Variants in MYO7B observed in about 807,000 individuals in gnomAD.
The protein encoded by MYO7B is unconventional myosin-VIIb.
MYO7B carries 212 observed loss-of-function variants against 259.7 expected under a neutral mutation model. The ratio of observed to expected loss-of-function variants is 0.82; its 90% confidence interval spans 0.73 to 0.91. The LOEUF is 0.91. Among genes scored for constraint, MYO7B ranks in the 40% least tolerant of loss-of-function variants. The pLI is 0.00. For synonymous variants in MYO7B, 1,197 were observed against 1,166.4 expected (o/e 1.03, Z -0.54); for missense variants, 2,732 against 2,813.5 (o/e 0.97, Z 0.66).
At chr2:127,602,861 G>C (rs918036519) in intron 19 of MYO7B, among the ~76,000 whole-genome samples, 10 of 152,040 alleles carry the variant, frequency 6.6e-5, no homozygotes, top group Non-Finnish European at 1.5e-4. Flanking sequence ...TTAGCCGGGC[G>C]TGGTGATGTG....
chr2:127,610,747 C>T (rs1680353006), intron 24 of MYO7B, among the ~76,000 whole-genome samples: 1 of 152,222 alleles, frequency 6.6e-6, no homozygotes, highest in African/African-American at 2.4e-5. Flanking sequence ...TAGCTCAATA[C>T]CTGTGGGGTC....
intron 1 of MYO7B, among the ~76,000 whole-genome samples, chr2:127,544,726 G>A (rs1286976738): frequency 2.0e-5 from 3 of 151,980 alleles, no homozygotes; most frequent in African/African-American, 7.3e-5. Context: ...GACTACAGGC[G>A]CCTGCTACCA....
intron 39 of MYO7B, among the ~76,000 whole-genome samples, chr2:127,632,770 A>C (rs1681591347): frequency 6.6e-6 from 1 of 151,718 alleles, no homozygotes; most frequent in South Asian, 2.1e-4. Context: ...CACAGCCGTG[A>C]AGCTCTTCCT....
At chr2:127,574,208 C>T in intron 7 of MYO7B, 146 bp downstream of exon 7, 1 of 1,068,304 alleles carries the variant, frequency 9.4e-7, no homozygotes, top group Admixed American at 2.5e-5. Context: ...GAGGGCCCTT[C>T]CCCAGTATTC....
At chr2:127,588,813 G>A (rs2104959198) in intron 15 of MYO7B, among the ~76,000 whole-genome samples, 1 of 148,182 alleles carries the variant, frequency 6.7e-6, no homozygotes, top group African/African-American at 2.5e-5. Flanking sequence ...GTGGGTGGAT[G>A]GATGGGTGGG....
rs1693225515 is a variant in MYO7B, at chr2:127,546,286, A to G, written c.-24+10455A>G. ...TCTGTGAAGTGGGATGTCTCCATGGACAGCACAGGGTTGCTGTGGGGCTCA... is the reference window on the plus strand; with the variant it reads ...TCTGTGAAGTGGGATGTCTCCATGGGCAGCACAGGGTTGCTGTGGGGCTCA... On this transcript the variant is annotated intron_variant, in intron 1 of 47. Coordinates refer to ENST00000409816, the MANE Select transcript of MYO7B (RefSeq NM_001393586.1). The surrounding 1 kb of genome is among the most constrained non-coding windows in gnomAD (Gnocchi z 4.2). Among the ~76,000 whole-genome samples, 1 of 152,166 alleles carries G rather than the reference A, an allele frequency of 6.6e-6. No individual in the cohort carries two copies. The highest frequency in any genetic ancestry group is 1.5e-5 in the Non-Finnish European group (1 of 68,018).
At position 127,592,875 on chromosome 2, in the gene MYO7B, C is replaced by T. The variant is rs768830460; in HGVS notation, c.2074C>T (p.Pro692Ser). Residue 692 changes from proline (P) to serine (S), a missense_variant, in exon 17 of 48, where the codon CCC becomes TCC. This residue lies in a region of MYO7B where 1,906 missense variants were observed against 2,026.4 expected (regional missense o/e 0.94). Coordinates refer to ENST00000409816, the MANE Select transcript of MYO7B (RefSeq NM_001393586.1). ...CGTGCACATCCGCAAGTCGGGCTTC[C>T]CCATCCGCTACACGTTCGAGGAGTT... ...ETVHIRKSGF[P>S]IRYTFEEFSQ... 1.2e-6 allele frequency: 2 copies of T among 1,610,142 alleles called. No homozygotes were observed. Among genetic ancestry groups the T allele is most frequent in the East Asian group, 4.5e-5 (2 of 44,746 alleles).
In MYO7B at chr2:127,609,448, A is replaced by T; in HGVS notation, c.2815-58A>T. On this transcript the variant is annotated intron_variant, in intron 22 of 47. Transcript: ENST00000409816. The surrounding 1 kb of genome is among the most constrained non-coding windows in gnomAD (Gnocchi z 6.9). ...GCCCGGCCTGCTGGACAGTCAGCTG[A>T]TGGGTTGGTTGTTACCTGAAAGCCC... 3 of 1,500,388 alleles carry T rather than the reference A, an allele frequency of 2.0e-6. No homozygotes were observed. The highest frequency in any genetic ancestry group is 2.7e-6 in the Non-Finnish European group (3 of 1,097,524). The allele number at this position is 1,500,388 out of a possible 1,614,324, so 92.9% of individuals were successfully genotyped here. A position where few individuals can be genotyped will look rare whatever the true frequency, so the allele number is the denominator to read the frequency against.
chr2:127,614,876 C>T lies in MYO7B; in HGVS notation c.3398+2273C>T, dbSNP rs1328239114. 1.3e-5 allele frequency among the ~76,000 whole-genome samples: 2 copies of T among 152,184 alleles called. No individual in the cohort carries two copies. The highest frequency in any genetic ancestry group is 2.1e-4 in the South Asian group (1 of 4,828). The stretch of plus-strand genomic sequence containing the variant: ...CCTACAAGAATGTGTCTCTTTAGAA[C>T]GTCGGATATGAGCATCCATTTGTCC... On this transcript the variant is annotated intron_variant, in intron 26 of 47. Coordinates refer to ENST00000409816, the MANE Select transcript of MYO7B (RefSeq NM_001393586.1). The surrounding 1 kb of genome is among the most constrained non-coding windows in gnomAD (Gnocchi z 4.6).
chr2:127,593,269 G>C (rs888554196), intron 17 of MYO7B, among the ~76,000 whole-genome samples: 1 of 152,210 alleles, frequency 6.6e-6, no homozygotes, highest in African/African-American at 2.4e-5. Flanking sequence ...AAGCTACTGG[G>C]GCCCGAGGTT....
chr2:127,612,200 C>A (rs1416326202), intron 24 of MYO7B, 50 bp from the exon 25 acceptor site: 5 of 553,244 alleles, frequency 9.0e-6, no homozygotes, highest in Admixed American at 6.7e-5. Flanking sequence ...GTCAGCATCA[C>A]TGAGGTGAGC....
At position 127,564,198 on chromosome 2, in the gene MYO7B, G is replaced by C. The variant is rs763504193; in HGVS notation, c.64G>C (p.Val22Leu). The C allele has an allele frequency of 6.3e-7, 1 of 1,577,912 alleles. No homozygotes were observed. Among genetic ancestry groups the C allele is most frequent in the Non-Finnish European group, 8.6e-7 (1 of 1,162,440 alleles). Residue 22 changes from valine to leucine, a missense_variant, in exon 3 of 48, where the codon GTG becomes CTG. Val to Leu is a conservative substitution (Grantham distance 32). Transcript: ENST00000409816. ...LEPPSTHKTG[V>L]AIGGIIKEAK... is the part of the protein sequence containing the mutation. The stretch of plus-strand genomic sequence containing the variant: ...GCCTCCCTCCACCCACAAGACCGGC[G>C]TGGCCATCGGGGGCATCATCAAAGA...
At chr2:127,612,181 G>T in intron 24 of MYO7B, 69 bp from the exon 25 acceptor site, 1 of 528,308 alleles carries the variant, frequency 1.9e-6, no homozygotes, top group South Asian at 1.5e-5. Flanking sequence ...CACCCCAGGA[G>T]GCTGTGGGGT....
rs116916707 is a variant in MYO7B, at chr2:127,631,853, G to A, written c.5249+100G>A. 1.5e-3 allele frequency: 2,168 copies of A among 1,434,534 alleles called. 31 individuals carry two copies. The East Asian group carries it at 0.036, about 24-fold the overall frequency. 88.9% of individuals were successfully genotyped at this position (1,434,534 alleles called of 1,614,324 possible). On this transcript the variant is annotated intron_variant, in intron 38 of 47. Transcript: ENST00000409816. ...CAGAGAGGACACCGCAGCTGGTGGC[G>A]GCAGAACCCCTGCCTGGGCTCCTGC... is the stretch of plus-strand genomic sequence containing the variant.
In MYO7B at chr2:127,539,957, C is replaced by T. The variant is rs1227723429; in HGVS notation, c.-24+4126C>T. 6.6e-6 allele frequency among the ~76,000 whole-genome samples: 1 copy of T among 152,198 alleles called. No homozygotes were observed. On this transcript the variant is annotated intron_variant, in intron 1 of 47. Coordinates refer to ENST00000409816, the MANE Select transcript of MYO7B (RefSeq NM_001393586.1). This position sits in a 1 kb window ranked among gnomAD's most constrained non-coding sequence, Gnocchi z 4.0. ...TTGGTTTTCCATTTCTGAGTTACTT[C>T]ACTTAGAATAATGGCCTCCAGCTCC...
At chr2:127,553,264 A>C (rs1693520904) in intron 1 of MYO7B, among the ~76,000 whole-genome samples, 1 of 152,100 alleles carries the variant, frequency 6.6e-6, no homozygotes, top group Non-Finnish European at 1.5e-5. Flanking sequence ...TTCCATATGA[A>C]TTTTAGGATT....
intron 2 of MYO7B, among the ~76,000 whole-genome samples, chr2:127,560,034 T>TC (rs1297776157): frequency 1.3e-5 from 2 of 150,850 alleles, no homozygotes; most frequent in African/African-American, 4.9e-5. Context: ...TCTTTTCTTT[T>TC]TTTTTTTTTT....
rs1679494661 is a variant in MYO7B, at chr2:127,589,967, C to T, written c.1855-125C>T. On this transcript the variant is annotated intron_variant, in intron 15 of 47. Coordinates refer to ENST00000409816, the MANE Select transcript of MYO7B (RefSeq NM_001393586.1). ...ACATGGATGGGTGGGTGGGTGGATT[C>T]TTGAATAGGTAGATGCACCACCCCA... The T allele has an allele frequency of 3.6e-6, 4 of 1,104,920 alleles. No homozygotes were observed. The South Asian group carries it at 6.1e-5, about 17-fold the overall frequency. The allele number at this position is 1,104,920 out of a possible 1,614,324, so 68.4% of individuals were successfully genotyped here.
In MYO7B at chr2:127,580,748, T is replaced by C. The variant is rs201704659; in HGVS notation, c.1006T>C (p.Ser336Pro). Residue 336 changes from serine to proline, a missense_variant and splice_region_variant, in exon 10 of 48, where the codon TCG becomes CCG. Ser to Pro is a moderately conservative substitution (Grantham distance 74). This residue lies in a region of MYO7B where 1,906 missense variants were observed against 2,026.4 expected (regional missense o/e 0.94). Transcript: ENST00000409816. ...AGCATTCCTGCTTCTCTCTCTAGCT[T>C]CGGTCTTCGAGAACCTGGACGCCTC... The part of the protein sequence containing the change: ...LHLGNVGFMA[S>P]VFENLDASDV... 4.3e-6 allele frequency: 7 copies of C among 1,612,708 alleles called. No individual in the cohort carries two copies. In the Admixed American group the frequency reaches 1.2e-4, roughly 27 times the overall value.
Sources: gnomAD v4.1 joint callset for allele counts (sites outside exome capture counted in the v4.1 genomes callset) on GRCh38, gnomAD v4.1.1 for gene constraint, gnomAD v4.1.1 regional missense constraint, Gnocchi (gnomAD v3.1) non-coding constraint, MANE v1.5 for transcripts, NCBI Gene and HGNC (gene_info 2026-07-23, HGNC 2026-07-21) for gene names.